Variants in UBE2O observed in about 807,000 individuals in gnomAD.
The protein encoded by UBE2O is (E3-independent) E2 ubiquitin-conjugating enzyme.
UBE2O carries 15 observed loss-of-function variants against 125.8 expected under a neutral mutation model. That is an observed-to-expected ratio of 0.12 (90% CI 0.08 to 0.18). UBE2O has a LOEUF of 0.18. UBE2O is among the 10% of genes least tolerant of loss of function. The probability of loss-of-function intolerance (pLI) is 1.00; values close to 1 mark genes in which losing one functional copy is unlikely to be tolerated. For missense variants in UBE2O, 1,280 were observed against 1,723.6 expected, an observed-to-expected ratio of 0.74 and a Z score of 4.56; for synonymous variants, 708 against 703.2, an observed-to-expected ratio of 1.01 and a Z score of -0.11.
chr17:76,439,942 G>A (rs1025206566), intron 1 of UBE2O, among the ~76,000 whole-genome samples: 2 of 152,110 alleles, frequency 1.3e-5, no homozygotes, highest in African/African-American at 4.8e-5. Context: ...CCACTCATTC[G>A]CATGTGTGCA....
intron 1 of UBE2O, among the ~76,000 whole-genome samples, chr17:76,426,814 C>T (rs1423438609): frequency 6.6e-6 from 1 of 152,214 alleles, no homozygotes; most frequent in African/African-American, 2.4e-5. Context: ...GATTTACCTG[C>T]ACTTCCCAAC....
chr17:76,447,074 T>C (rs984176736), intron 1 of UBE2O, among the ~76,000 whole-genome samples: 8 of 152,194 alleles, frequency 5.3e-5, no homozygotes, highest in African/African-American at 1.9e-4. Flanking sequence ...CAACATCCTG[T>C]GCCTCTCTCC....
intron 12 of UBE2O, 101 bp from the exon 13 acceptor site, chr17:76,397,989 G>C (rs1004968344): frequency 4.4e-5 from 58 of 1,331,048 alleles, no homozygotes; most frequent in Non-Finnish European, 4.9e-5. Context: ...CACCTGGCTT[G>C]TGACAAGGAA....
At chr17:76,401,996 C>A (rs1312026172) in intron 5 of UBE2O, 68 bp downstream of exon 5, 4 of 1,532,128 alleles carry the variant, frequency 2.6e-6, no homozygotes, top group African/African-American at 2.7e-5. Flanking sequence ...CAGGTCTTTG[C>A]TACGAAGTCC....
At chr17:76,436,802 T>C (rs2073004035) in intron 1 of UBE2O, among the ~76,000 whole-genome samples, 1 of 152,062 alleles carries the variant, frequency 6.6e-6, no homozygotes, top group Non-Finnish European at 1.5e-5. Context: ...GAGTATAAAA[T>C]GGGGATTAGT....
At position 76,398,724 on chromosome 17, in the gene UBE2O, T is replaced by A. The variant is rs1252449589; in HGVS notation, c.1783+113A>T. The A allele has an allele frequency of 6.7e-7, 1 of 1,497,760 alleles. No homozygotes were observed. Among genetic ancestry groups the A allele is most frequent in the Non-Finnish European group, 9.1e-7 (1 of 1,096,610 alleles). The allele number at this position is 1,497,760 out of a possible 1,614,324, so 92.8% of individuals were successfully genotyped here. A position where few individuals can be genotyped will look rare whatever the true frequency, so the allele number is the denominator to read the frequency against. The stretch of plus-strand genomic sequence containing the variant: ...GACCCCTTCATGAGGGCAGTCCCCT[T>A]CTGGACCTCATTTTAGCTCTGACCC... On this transcript the variant is annotated intron_variant, in intron 10 of 17. Transcript: ENST00000319380. The surrounding 1 kb of genome is among the most constrained non-coding windows in gnomAD (Gnocchi z 5.4).
At chr17:76,417,686 C>T (rs978281113) in intron 1 of UBE2O, among the ~76,000 whole-genome samples, 14 of 143,580 alleles carry the variant, frequency 9.8e-5, no homozygotes, top group Admixed American at 4.2e-4. Context: ...GAGAGCACCA[C>T]GAAGGGCCTT....
intron 1 of UBE2O, among the ~76,000 whole-genome samples, chr17:76,417,212 A>G (rs2072631403): frequency 2.0e-5 from 3 of 152,196 alleles, no homozygotes; most frequent in Admixed American, 2.0e-4. Flanking sequence ...ACTCAGGGGC[A>G]GGCTTCTGCT....
At chr17:76,424,653 T>C (rs755498007) in intron 1 of UBE2O, among the ~76,000 whole-genome samples, 13 of 151,966 alleles carry the variant, frequency 8.6e-5, no homozygotes, top group African/African-American at 1.2e-4. Flanking sequence ...GGTGGGAGGA[T>C]TGCTTGAGGC....
At chr17:76,448,471 G>A (rs773572135) in intron 1 of UBE2O, among the ~76,000 whole-genome samples, 10 of 152,132 alleles carry the variant, frequency 6.6e-5, no homozygotes, top group Non-Finnish European at 1.0e-4. Flanking sequence ...AAAATAAACT[G>A]CAAAGCCAAT....
At chr17:76,434,115 A>G (rs1598616152) in intron 1 of UBE2O, among the ~76,000 whole-genome samples, 1 of 152,158 alleles carries the variant, frequency 6.6e-6, no homozygotes, top group Admixed American at 6.5e-5. Flanking sequence ...TGTGGCTTCC[A>G]TCCATCTTAC....
At chr17:76,435,773 C>T (rs1195985358) in intron 1 of UBE2O, among the ~76,000 whole-genome samples, 2 of 152,188 alleles carry the variant, frequency 1.3e-5, no homozygotes, top group East Asian at 3.8e-4. Flanking sequence ...GCCCTATGCT[C>T]GGGAGCCACA....
intron 1 of UBE2O, among the ~76,000 whole-genome samples, chr17:76,435,163 A>G (rs1025347610): frequency 3.3e-5 from 5 of 152,208 alleles, no homozygotes; most frequent in African/African-American, 1.2e-4. Flanking sequence ...ATCCAGATCC[A>G]GGTTTGTCTG....
intron 1 of UBE2O, among the ~76,000 whole-genome samples, chr17:76,425,470 T>A (rs189347672): frequency 1.8e-3 from 274 of 152,328 alleles, no homozygotes; most frequent in Middle Eastern, 6.8e-3. Flanking sequence ...TTTTTAGCTG[T>A]TTGAATATTT....
chr17:76,399,883 C>T lies in UBE2O; in HGVS notation c.1194G>A (p.Met398Ile), dbSNP rs780907779. 2 of 1,612,074 alleles carry T rather than the reference C, an allele frequency of 1.2e-6. No homozygotes were observed. The highest frequency in any genetic ancestry group is 2.2e-5 in the South Asian group (2 of 90,636). ...RLLKKQVVRI[M>I]SCSPDTQCSR... ...AACACTGGGTGTCTGGGGAGCATGA[C>T]ATGATCCGCACAACCTGCTTCTTCA... The change falls in exon 9 of 18, where the codon ATG (methionine) becomes ATA (isoleucine). Residue 398 changes from methionine (M) to isoleucine (I), a missense_variant. Physicochemically the swap from Met to Ile is conservative, Grantham distance 10. Around this residue, in one of 10 missense-constraint regions of UBE2O, gnomAD observed 141 missense variants for 141.3 expected, o/e 1.00. Transcript: ENST00000319380. The surrounding 1 kb of genome is among the most constrained non-coding windows in gnomAD (Gnocchi z 6.9).
Position 76,416,601 on chromosome 17 carries a change from C to T in UBE2O, c.418-11029G>A, listed in dbSNP as rs1157950022. On this transcript the variant is annotated intron_variant, in intron 1 of 17. Transcript: ENST00000319380. ...AAGAGACACAACCTCCCTGAGCCCACACCAACCTCCCCGCGCTTCTCAAAC... is the reference window on the plus strand; with the variant it reads ...AAGAGACACAACCTCCCTGAGCCCATACCAACCTCCCCGCGCTTCTCAAAC... Among the ~76,000 whole-genome samples, 3 of 152,206 alleles carry T rather than the reference C, an allele frequency of 2.0e-5. No individual in the cohort carries two copies. In the South Asian group the frequency reaches 6.2e-4, roughly 31 times the overall value.
chr17:76,448,665 C>T (rs144808404), intron 1 of UBE2O, among the ~76,000 whole-genome samples: 45 of 152,368 alleles, frequency 3.0e-4, no homozygotes, highest in Non-Finnish European at 2.2e-4. Context: ...AAAGCATAAA[C>T]GCTTTGCCTC....
chr17:76,397,695 C>T (rs2072238433), intron 13 of UBE2O, 104 bp downstream of exon 13: 2 of 1,140,454 alleles, frequency 1.8e-6, no homozygotes, highest in Non-Finnish European at 2.6e-6. Context: ...GCTGAGATCT[C>T]ACCAGGAAGA....
intron 1 of UBE2O, among the ~76,000 whole-genome samples, chr17:76,432,711 A>C (rs2072925071): frequency 6.6e-6 from 1 of 152,220 alleles, no homozygotes; most frequent in South Asian, 2.1e-4. Flanking sequence ...GAGAGAGGGA[A>C]GATCCAAATG....
Sources: gnomAD v4.1 joint callset for allele counts (sites outside exome capture counted in the v4.1 genomes callset) on GRCh38, gnomAD v4.1.1 for gene constraint, gnomAD v4.1.1 regional missense constraint, Gnocchi (gnomAD v3.1) non-coding constraint, MANE v1.5 for transcripts, NCBI Gene and HGNC (gene_info 2026-07-23, HGNC 2026-07-21) for gene names.